Variants in B4GALNT4 observed in about 807,000 individuals in gnomAD.
B4GALNT4 encodes beta-1,4-N-acetyl-galactosaminyltransferase 4, also known as N-acetyl-beta-glucosaminyl-glycoprotein 4-beta-N-acetylgalactosaminyltransferase 1.
B4GALNT4 carries 77 observed loss-of-function variants against 110.0 expected under a neutral mutation model. The observed-to-expected ratio is 0.70, with a 90% CI of 0.58 to 0.85. The LOEUF is 0.85. Ranked by LOEUF, B4GALNT4 falls within the 40% of genes least tolerant of loss-of-function variation. The pLI is 0.00. For missense variants in B4GALNT4, 1,575 were observed against 1,506.0 expected (o/e 1.05, Z -0.76); for synonymous variants, 785 against 655.5 (o/e 1.20, Z -3.02).
In B4GALNT4 at chr11:372,260, G is replaced by A. The variant is rs775831114; in HGVS notation, c.255+48G>A. The A allele has an allele frequency of 3.0e-5, 45 of 1,507,640 alleles. No individual in the cohort carries two copies. The Admixed American group carries it at 5.5e-4, about 18-fold the overall frequency. The allele number at this position is 1,507,640 out of a possible 1,614,324, so 93.4% of individuals were successfully genotyped here. On this transcript the variant is annotated intron_variant, in intron 2 of 19. Transcript: ENST00000329962. ...CACGTGTGCACGGAGACGAGACCCCGAAGCCACTTGTGTGTTGGTGTCTTG... is the reference window on the plus strand; with the variant it reads ...CACGTGTGCACGGAGACGAGACCCCAAAGCCACTTGTGTGTTGGTGTCTTG...
chr11:380,530 A>G (rs1251514079), intron 18 of B4GALNT4, 85 bp downstream of exon 18: 14 of 1,506,536 alleles, frequency 9.3e-6, no homozygotes, highest in Non-Finnish European at 1.2e-5. Flanking sequence ...GCCTCTCTCA[A>G]TTCCCAGGGG....
At chr11:370,120 G>C (rs1828981876) in intron 1 of B4GALNT4, among the ~76,000 whole-genome samples, 166 bp downstream of exon 1, 1 of 150,440 alleles carries the variant, frequency 6.6e-6, no homozygotes, top group Admixed American at 6.6e-5. Flanking sequence ...CCCTCCCGGA[G>C]ACCCCGCCCG....
chr11:373,874 C>A, intron 8 of B4GALNT4, 46 bp downstream of exon 8: 2 of 1,580,544 alleles, frequency 1.3e-6, no homozygotes, highest in African/African-American at 1.3e-5. Context: ...TCCACTCCCC[C>A]CACCTCCCTG....
chr11:370,880 G>A (rs574074632), intron 1 of B4GALNT4, among the ~76,000 whole-genome samples: 55 of 152,130 alleles, frequency 3.6e-4, no homozygotes, highest in African/African-American at 1.3e-3. Context: ...TCCTGTACCG[G>A]GACGCCTGGA....
In B4GALNT4 at chr11:372,943, C is replaced by T. The variant is rs1846644905; in HGVS notation, c.440C>T (p.Pro147Leu). 2 of 1,611,618 alleles carry T rather than the reference C, an allele frequency of 1.2e-6. No homozygotes were observed. Among genetic ancestry groups the T allele is most frequent in the Non-Finnish European group, 8.5e-7 (1 of 1,179,698 alleles). Reference protein sequence around the residue: ...LRRNLHFPLFPHTRTTVKKLA... With the variant: ...LRRNLHFPLFLHTRTTVKKLA... ...AGGAACCTGCACTTCCCGCTGTTCCCTCATGTGAGTGCCGGGGTTGGGGGG... is the reference window on the plus strand; with the variant it reads ...AGGAACCTGCACTTCCCGCTGTTCCTTCATGTGAGTGCCGGGGTTGGGGGG... The change falls in exon 4 of 20, where the codon CCT becomes CTT. Residue 147 changes from proline to leucine, a missense_variant. Physicochemically the swap from Pro to Leu is moderately conservative, Grantham distance 98. Coordinates refer to ENST00000329962, the MANE Select transcript of B4GALNT4 (RefSeq NM_178537.5).
In B4GALNT4 at chr11:372,828, A is replaced by G. The variant is rs769853871; in HGVS notation, c.349-24A>G. On this transcript the variant is annotated intron_variant, in intron 3 of 19. Coordinates refer to ENST00000329962, the MANE Select transcript of B4GALNT4 (RefSeq NM_178537.5). ...GGCGGGGGGGCGGCGGGCCGTGCAGAAGGTAAGGCCCCCCCATCCCCAGTA... is the reference window on the plus strand; with the variant it reads ...GGCGGGGGGGCGGCGGGCCGTGCAGGAGGTAAGGCCCCCCCATCCCCAGTA... 5 of 1,587,146 alleles carry G rather than the reference A, an allele frequency of 3.2e-6. No homozygotes were observed. In the African/African-American group the frequency reaches 6.7e-5, roughly 21 times the overall value.
At position 376,994 on chromosome 11, in the gene B4GALNT4, C is replaced by T; in HGVS notation, c.1871C>T (p.Pro624Leu). The stretch of plus-strand genomic sequence containing the variant: ...TCAAACTTGTCCTCCGAAGCGCGGC[C>T]CGTGACCTCCTTCCTGAGCTTGTCC... ...VDSNLSSEARPVTSFLSLSQV... is the reference protein window; with the variant it reads ...VDSNLSSEARLVTSFLSLSQV... Residue 624 changes from proline to leucine, a missense_variant, in exon 14 of 20, where the codon CCC becomes CTC. By Grantham distance (98) the Pro-to-Leu change is moderately conservative. Coordinates refer to ENST00000329962, the MANE Select transcript of B4GALNT4 (RefSeq NM_178537.5). 6.9e-7 allele frequency: 1 copy of T among 1,454,438 alleles called. No homozygotes were observed. Among genetic ancestry groups the T allele is most frequent in the Non-Finnish European group, 9.0e-7 (1 of 1,109,202 alleles). The allele number at this position is 1,454,438 out of a possible 1,614,324, so 90.1% of individuals were successfully genotyped here. A position where few individuals can be genotyped will look rare whatever the true frequency, so the allele number is the denominator to read the frequency against.
At chr11:372,641 G>C in intron 2 of B4GALNT4, 21 bp from the exon 3 acceptor site, 3 of 1,604,792 alleles carry the variant, frequency 1.9e-6, no homozygotes, top group South Asian at 1.1e-5. Context: ...CCCTGACCCT[G>C]TTGCCTTTTC....
Position 377,357 on chromosome 11 carries a change from C to A in B4GALNT4, c.2204+30C>A, listed in dbSNP as rs568876800. On this transcript the variant is annotated intron_variant, in intron 14 of 19. Transcript: ENST00000329962. ...GGGGGCGGCCGAACGCGCGCCAGGGCGGTTTTGGAGGCGGGGACAGCCGGG... is the reference window on the plus strand; with the variant it reads ...GGGGGCGGCCGAACGCGCGCCAGGGAGGTTTTGGAGGCGGGGACAGCCGGG... The A allele has an allele frequency of 2.9e-5, 43 of 1,471,262 alleles. No homozygotes were observed. In the African/African-American group the frequency reaches 5.7e-4, roughly 19 times the overall value. 91.1% of individuals were successfully genotyped at this position (1,471,262 alleles called of 1,614,324 possible).
intron 8 of B4GALNT4, 77 bp downstream of exon 8, chr11:373,905 C>T: frequency 7.0e-7 from 1 of 1,435,560 alleles, no homozygotes; most frequent in Non-Finnish European, 9.7e-7. Context: ...GCAATGGGGT[C>T]CCCGTCCCAA....
At position 376,582 on chromosome 11, in the gene B4GALNT4, A is replaced by C. The variant is rs1590340249; in HGVS notation, c.1459A>C (p.Thr487Pro). ...CCCTCCCCGCCCCCGGGACGGGGGG[A>C]CCCCCAGGCACTCCCGGGCCCTGAG... ...PTPPRPRDGG[T>P]PRHSRALSWA... The change falls in exon 14 of 20, where the codon ACC (threonine) becomes CCC (proline). Residue 487 changes from threonine to proline, a missense_variant. Physicochemically the swap from Thr to Pro is conservative, Grantham distance 38. Coordinates refer to ENST00000329962, the MANE Select transcript of B4GALNT4 (RefSeq NM_178537.5). The C allele has an allele frequency of 8.1e-7, 1 of 1,229,948 alleles. No individual in the cohort carries two copies. The highest frequency in any genetic ancestry group is 1.0e-6 in the Non-Finnish European group (1 of 993,306). 76.2% of individuals were successfully genotyped at this position (1,229,948 alleles called of 1,614,324 possible). A position where few individuals can be genotyped will look rare whatever the true frequency, so the allele number is the denominator to read the frequency against.
At position 376,269 on chromosome 11, in the gene B4GALNT4, CATGAAG is replaced by C. The variant is rs781049806; in HGVS notation, c.1219_1224del (p.Lys407_Met408del). 3.7e-6 allele frequency: 6 copies of C among 1,609,756 alleles called. No individual in the cohort carries two copies. Among genetic ancestry groups the C allele is most frequent in the Non-Finnish European group, 4.2e-6 (5 of 1,178,056 alleles). ...GCCCCAGGTTTGGGTTCTATAAATA[CATGAAG>C]ATGGACAAGGAGGAGGGGGATGAGG... On this transcript the variant is annotated inframe_deletion, in exon 13 of 20. Coordinates refer to ENST00000329962, the MANE Select transcript of B4GALNT4 (RefSeq NM_178537.5).
At chr11:377,692 C>CG (rs890886247) in intron 14 of B4GALNT4, among the ~76,000 whole-genome samples, 8 of 152,202 alleles carry the variant, frequency 5.3e-5, no homozygotes, top group Non-Finnish European at 8.8e-5. Flanking sequence ...AGCCCCATTC[C>CG]GGGGGGGCCA....
Position 376,069 on chromosome 11 carries a change from C to G in B4GALNT4, c.1096-5C>G. ...CCCTGAGCCCTGCGCCCCCCCACCC[C>G]CCAGGTGTACCTGTCCTTCGTTTAT... On this transcript the variant is annotated splice_region_variant and splice_polypyrimidine_tract_variant and intron_variant, in intron 11 of 19. Transcript: ENST00000329962. 1 of 1,609,538 alleles carries G rather than the reference C, an allele frequency of 6.2e-7. No individual in the cohort carries two copies. Among genetic ancestry groups the G allele is most frequent in the Non-Finnish European group, 8.5e-7 (1 of 1,177,458 alleles).
In B4GALNT4 at chr11:376,475, A is replaced by G; in HGVS notation, c.1352A>G (p.Glu451Gly). Residue 451 changes from glutamate (E) to glycine (G), a missense_variant, in exon 14 of 20, where the codon GAG becomes GGG. Coordinates refer to ENST00000329962, the MANE Select transcript of B4GALNT4 (RefSeq NM_178537.5). ...CTGCTCGACAGCCTGGAGCCCACCGAGGCGGCCCCGCCCAGGAGCGGCCCC... is the reference window on the plus strand; with the variant it reads ...CTGCTCGACAGCCTGGAGCCCACCGGGGCGGCCCCGCCCAGGAGCGGCCCC... ...GELLDSLEPT[E>G]AAPPRSGPQS... 2 of 1,591,132 alleles carry G rather than the reference A, an allele frequency of 1.3e-6. No homozygotes were observed. Among genetic ancestry groups the G allele is most frequent in the Non-Finnish European group, 1.7e-6 (2 of 1,176,722 alleles).
At position 376,331 on chromosome 11, in the gene B4GALNT4, T is replaced by A. The variant is rs149045708; in HGVS notation, c.1277T>A (p.Phe426Tyr). ...DEEDEVQRRA[F>Y]LFLNPDDFLD... ...GAAGACGAGGTGCAGCGCCGAGCCT[T>A]CCTCTTCCTCAACCCGGACGGTGAG... The change falls in exon 13 of 20, where the codon TTC (phenylalanine) becomes TAC (tyrosine). Residue 426 changes from phenylalanine (F) to tyrosine (Y), a missense_variant. Phe to Tyr is a conservative substitution (Grantham distance 22). Coordinates refer to ENST00000329962, the MANE Select transcript of B4GALNT4 (RefSeq NM_178537.5). 0.03 allele frequency: 47,996 copies of A among 1,608,986 alleles called. 873 individuals are homozygous for A. The highest frequency in any genetic ancestry group is 0.035 in the Non-Finnish European group (41,778 of 1,177,808).
chr11:373,412 C>A (rs777384279), intron 6 of B4GALNT4, 37 bp from the exon 7 acceptor site: 16 of 1,067,438 alleles, frequency 1.5e-5, no homozygotes, highest in Admixed American at 1.5e-4. Context: ...GAGTGAACCC[C>A]CCCCCCCACC....
In B4GALNT4 at chr11:376,337, T is replaced by C; in HGVS notation, c.1283T>C (p.Phe428Ser). The C allele has an allele frequency of 6.2e-7, 1 of 1,608,672 alleles. No homozygotes were observed. The highest frequency in any genetic ancestry group is 8.5e-7 in the Non-Finnish European group (1 of 1,177,724). ...GAGGTGCAGCGCCGAGCCTTCCTCT[T>C]CCTCAACCCGGACGGTGAGTGTCCG... is the stretch of plus-strand genomic sequence containing the variant. ...EDEVQRRAFL[F>S]LNPDDFLDDE... Residue 428 changes from phenylalanine (F) to serine (S), a missense_variant, in exon 13 of 20, where the codon TTC (phenylalanine) becomes TCC (serine). Coordinates refer to ENST00000329962, the MANE Select transcript of B4GALNT4 (RefSeq NM_178537.5).
intron 18 of B4GALNT4, 72 bp downstream of exon 18, chr11:380,517 G>A (rs955391246): frequency 3.3e-6 from 5 of 1,521,380 alleles, no homozygotes; most frequent in East Asian, 2.5e-5. Context: ...CCAGGAACCC[G>A]GGGCCTCTCT....
Sources: allele counts gnomAD v4.1 joint callset (sites outside exome capture counted in the v4.1 genomes callset), GRCh38; gene constraint gnomAD v4.1.1; transcripts MANE v1.5; gene names NCBI Gene and HGNC (gene_info 2026-07-23, HGNC 2026-07-21).